The following ESR1 variants were observed in gnomAD, a reference collection of about 807,000 sequenced individuals.
ESR1 encodes estrogen receptor.
In ESR1, 12 loss-of-function variants were observed where a neutral mutation model predicts 52.7. The ratio of observed to expected loss-of-function variants is 0.23; its 90% confidence interval spans 0.15 to 0.37. The LOEUF is 0.37. Ranked by LOEUF, ESR1 falls within the 10% of genes least tolerant of loss-of-function variation. The pLI is 1.00. For synonymous variants in ESR1, 305 were observed against 316.8 expected, an observed-to-expected ratio of 0.96 and a Z score of 0.39; for missense variants, 584 against 779.7, an observed-to-expected ratio of 0.75 and a Z score of 2.99.
chr6:152,081,927 A>G (rs1029984053), intron 6 of ESR1, among the ~76,000 whole-genome samples: 2 of 152,248 alleles, frequency 1.3e-5, no homozygotes, highest in Non-Finnish European at 2.9e-5. Flanking sequence ...TCAACCAGGA[A>G]GAAGTTGAAT....
At chr6:151,972,755 A>G (rs955677784) in intron 4 of ESR1, among the ~76,000 whole-genome samples, 1 of 152,204 alleles carries the variant, frequency 6.6e-6, no homozygotes, top group African/African-American at 2.4e-5. Context: ...TCACACGATC[A>G]CAAGGTTGGG....
intron 2 of ESR1, among the ~76,000 whole-genome samples, chr6:151,733,240 G>A (rs1486607009): frequency 3.9e-5 from 6 of 152,114 alleles, no homozygotes; most frequent in Non-Finnish European, 8.8e-5. Flanking sequence ...GTACGTAGTC[G>A]AGCTAGTATT....
At chr6:152,106,612 A>G (rs1012783636), downstream of ESR1, among the ~76,000 whole-genome samples, 3 of 152,090 alleles carry the variant, frequency 2.0e-5, no homozygotes, top group Non-Finnish European at 4.4e-5. Flanking sequence ...TTTTTGAGAC[A>G]GGGTGTTGCT....
At chr6:152,083,952 A>T (rs910209357) in intron 6 of ESR1, among the ~76,000 whole-genome samples, 4 of 152,182 alleles carry the variant, frequency 2.6e-5, no homozygotes, top group Non-Finnish European at 5.9e-5. Flanking sequence ...AAATCATGCT[A>T]CTATAAAGAC....
chr6:151,928,737 C>T (rs990835364), intron 3 of ESR1, among the ~76,000 whole-genome samples: 1 of 151,782 alleles, frequency 6.6e-6, no homozygotes, highest in African/African-American at 2.4e-5. Flanking sequence ...TTCCTGCATC[C>T]CACAAATTTT....
intron 1 of ESR1, among the ~76,000 whole-genome samples, chr6:151,828,509 C>G (rs1485751027): frequency 1.3e-5 from 2 of 152,098 alleles, no homozygotes; most frequent in African/African-American, 4.8e-5. Context: ...TAAGGATAAG[C>G]ACAGGCATGG....
chr6:151,769,400 C>T (rs9371552), intron 2 of ESR1, among the ~76,000 whole-genome samples: 25,433 of 152,108 alleles, frequency 0.17, 2,436 homozygotes, highest in East Asian at 0.39. Context: ...TTCTAATTCT[C>T]AATAGCCCTG....
intron 3 of ESR1, among the ~76,000 whole-genome samples, chr6:151,896,029 C>T (rs1240462859): frequency 6.6e-6 from 1 of 152,224 alleles, no homozygotes; most frequent in Middle Eastern, 3.2e-3. Context: ...ACCTCGTGAT[C>T]CACCTGCCTT....
At chr6:151,881,081 A>G (rs1016504007) in intron 3 of ESR1, among the ~76,000 whole-genome samples, 3 of 152,224 alleles carry the variant, frequency 2.0e-5, no homozygotes, top group Non-Finnish European at 4.4e-5. Context: ...TTAGTAAATT[A>G]TTCTAGAAAT....
intron 2 of ESR1, among the ~76,000 whole-genome samples, chr6:151,728,923 C>A (rs1454451872): frequency 6.6e-6 from 1 of 152,148 alleles, no homozygotes; most frequent in Non-Finnish European, 1.5e-5. Flanking sequence ...GCTAAAAATG[C>A]ATGTAGATAA....
chr6:152,023,487 A>G (rs1216019266), intron 5 of ESR1, among the ~76,000 whole-genome samples: 1 of 152,216 alleles, frequency 6.6e-6, no homozygotes, highest in Non-Finnish European at 1.5e-5. Flanking sequence ...AATCCTAAAT[A>G]TCATACATCA....
At chr6:151,886,329 G>T (rs906002009) in intron 3 of ESR1, among the ~76,000 whole-genome samples, 42 of 152,128 alleles carry the variant, frequency 2.8e-4, no homozygotes, top group African/African-American at 9.4e-4. Flanking sequence ...TTGGCACATA[G>T]AAATCAATTG....
intron 6 of ESR1, among the ~76,000 whole-genome samples, chr6:152,077,679 G>C (rs35807076): frequency 0.11 from 17,282 of 152,198 alleles, 1,228 homozygotes; most frequent in East Asian, 0.33. Flanking sequence ...GCATGACCTG[G>C]ATGTGAGACA....
chr6:152,053,592 C>T lies in ESR1; in HGVS notation c.1236-7399C>T, dbSNP rs1222117795. Among the ~76,000 whole-genome samples, 2 of 151,670 alleles carry T rather than the reference C, an allele frequency of 1.3e-5. No homozygotes were observed. The highest frequency in any genetic ancestry group is 2.9e-5 in the Non-Finnish European group (2 of 67,926). The stretch of plus-strand genomic sequence containing the variant: ...TCCCTCTCTCCCTCTTTCTCTCTCT[C>T]AATCTGTTTCTCTGTTAATCTCTCT... On this transcript the variant is annotated intron_variant, in intron 5 of 7. Transcript: ENST00000206249. This position sits in a 1 kb window ranked among gnomAD's most constrained non-coding sequence, Gnocchi z 4.1.
At chr6:151,835,909 A>C (rs901101559) in intron 1 of ESR1, among the ~76,000 whole-genome samples, 1 of 152,162 alleles carries the variant, frequency 6.6e-6, no homozygotes, top group African/African-American at 2.4e-5. Flanking sequence ...TGTTTTTTAC[A>C]TTCTCAAACA....
upstream of ESR1, among the ~76,000 whole-genome samples, chr6:151,803,121 T>C (rs1470675060): frequency 6.6e-6 from 1 of 152,194 alleles, no homozygotes; most frequent in Non-Finnish European, 1.5e-5. Context: ...TTTGTTGACT[T>C]AACATGGCCA....
At chr6:152,038,629 A>G (rs1054521675) in intron 5 of ESR1, among the ~76,000 whole-genome samples, 1 of 151,880 alleles carries the variant, frequency 6.6e-6, no homozygotes, top group African/African-American at 2.4e-5. Flanking sequence ...TATGAAGTCA[A>G]TAAATACTTT....
At chr6:151,793,239 C>T (rs1056820245) in intron 2 of ESR1, among the ~76,000 whole-genome samples, 2 of 152,032 alleles carry the variant, frequency 1.3e-5, no homozygotes, top group East Asian at 1.9e-4. Context: ...TTAGCCTAGG[C>T]CTACCCAGGG....
chr6:152,051,554 C>T (rs1458949563), intron 5 of ESR1, among the ~76,000 whole-genome samples: 4 of 152,090 alleles, frequency 2.6e-5, no homozygotes, highest in Non-Finnish European at 5.9e-5. Context: ...ATGTCTTTTG[C>T]AGGCTCATCT....
Sources: allele counts gnomAD v4.1 joint callset (sites outside exome capture counted in the v4.1 genomes callset), GRCh38; gene constraint gnomAD v4.1.1; non-coding constraint Gnocchi (gnomAD v3.1); transcripts MANE v1.5; gene names NCBI Gene and HGNC (gene_info 2026-07-23, HGNC 2026-07-21).